CDH18: variants seen among roughly 807,000 people sequenced by gnomAD.
The protein encoded by CDH18 is cadherin 18.
In CDH18, 31 loss-of-function variants were observed where a neutral mutation model predicts 67.9. The observed-to-expected ratio is 0.46, with a 90% CI of 0.34 to 0.62. The LOEUF (loss-of-function observed/expected upper bound fraction) is 0.62. Ranked by LOEUF, CDH18 falls within the 20% of genes least tolerant of loss-of-function variation. CDH18 has a pLI of 0.01. For missense variants in CDH18, 890 were observed against 975.5 expected (o/e 0.91, Z 1.17); for synonymous variants, 362 against 347.2 (o/e 1.04, Z -0.48).
chr5:20,019,804 T>C (rs1738239084), intron 2 of CDH18, among the ~76,000 whole-genome samples: 1 of 152,064 alleles, frequency 6.6e-6, no homozygotes, highest in Non-Finnish European at 1.5e-5. Context: ...TATCTGAAAA[T>C]GTAGAAGCAG....
At chr5:19,985,714 T>C (rs937427761) in intron 1 of CDH18, among the ~76,000 whole-genome samples, 21 of 151,962 alleles carry the variant, frequency 1.4e-4, no homozygotes, top group Admixed American at 1.1e-3. Context: ...ATTAAGCACA[T>C]GAGGGCCTAA....
In CDH18 at chr5:19,503,102, T is replaced by A; in HGVS notation, c.1520A>T (p.His507Leu). Residue 507 changes from histidine to leucine, a missense_variant, in exon 11 of 13, where the codon CAT (histidine) becomes CTT (leucine). This residue lies in a region of CDH18 where 656 missense variants were observed against 668.1 expected (regional missense o/e 0.98). Transcript: ENST00000382275. ...CENSKPGQVI[H>L]TISATDKDDF... ...ATCTTTATCAGTGGCACTGATGGTATGAATAACCTAAAGAAAAGACAAACT... is the reference window on the plus strand; with the variant it reads ...ATCTTTATCAGTGGCACTGATGGTAAGAATAACCTAAAGAAAAGACAAACT... 1 of 1,542,754 alleles carries A rather than the reference T, an allele frequency of 6.5e-7. No individual in the cohort carries two copies. The highest frequency in any genetic ancestry group is 8.9e-7 in the Non-Finnish European group (1 of 1,117,472).
At chr5:20,511,874 T>C (rs1755054633) in intron 1 of CDH18, among the ~76,000 whole-genome samples, 1 of 152,166 alleles carries the variant, frequency 6.6e-6, no homozygotes, top group African/African-American at 2.4e-5. Flanking sequence ...TTGATTAATG[T>C]ATACCAATAA....
chr5:19,889,657 A>G (rs4298254), intron 2 of CDH18, among the ~76,000 whole-genome samples: 143,194 of 152,104 alleles, frequency 0.94, 67,573 homozygotes, highest in Non-Finnish European at 0.98. Flanking sequence ...GTTTTCCTTA[A>G]GGGAAGGTTT....
chr5:20,119,571 A>C (rs1427085729), intron 2 of CDH18, among the ~76,000 whole-genome samples: 1 of 151,932 alleles, frequency 6.6e-6, no homozygotes, highest in East Asian at 1.9e-4. Context: ...TACAGGGACC[A>C]GAAGGACATG....
At chr5:20,050,238 T>C (rs1741294607) in intron 2 of CDH18, among the ~76,000 whole-genome samples, 1 of 151,866 alleles carries the variant, frequency 6.6e-6, no homozygotes, top group African/African-American at 2.4e-5. Flanking sequence ...CTTTTTCTCA[T>C]GTATTATTTT....
chr5:19,518,812 T>G (rs1010080020), intron 10 of CDH18, among the ~76,000 whole-genome samples: 1 of 152,180 alleles, frequency 6.6e-6, no homozygotes, highest in Non-Finnish European at 1.5e-5. Flanking sequence ...GACTTCACCT[T>G]GTGATGGTGT....
chr5:19,918,148 C>T (rs1251622475), intron 2 of CDH18, among the ~76,000 whole-genome samples: 2 of 152,168 alleles, frequency 1.3e-5, no homozygotes, highest in Non-Finnish European at 2.9e-5. Context: ...CACTTATGTA[C>T]ATCGTGTGCC....
intron 1 of CDH18, among the ~76,000 whole-genome samples, chr5:20,333,294 G>T (rs1016243142): frequency 3.3e-5 from 5 of 151,890 alleles, no homozygotes; most frequent in Admixed American, 1.3e-4. Flanking sequence ...AGATCAGGAG[G>T]TCAGGAGATT....
intron 2 of CDH18, among the ~76,000 whole-genome samples, chr5:20,134,382 T>C (rs540536569): frequency 6.6e-6 from 1 of 152,322 alleles, no homozygotes; most frequent in South Asian, 2.1e-4. Flanking sequence ...TCAACAACCC[T>C]GATTATTTTC....
chr5:19,854,817 C>T (rs546977249), intron 2 of CDH18, among the ~76,000 whole-genome samples: 16 of 151,762 alleles, frequency 1.1e-4, no homozygotes, highest in Non-Finnish European at 2.4e-4. Context: ...AATACTAGAT[C>T]GTATTCATTC....
At chr5:20,247,254 A>G (rs2126577666) in intron 2 of CDH18, among the ~76,000 whole-genome samples, 1 of 152,254 alleles carries the variant, frequency 6.6e-6, no homozygotes, top group East Asian at 1.9e-4. Flanking sequence ...TTGGCCCTTC[A>G]TTACTTTCCC....
intron 2 of CDH18, among the ~76,000 whole-genome samples, chr5:19,925,027 C>G (rs1792936664): frequency 6.6e-6 from 1 of 152,116 alleles, no homozygotes; most frequent in Non-Finnish European, 1.5e-5. Context: ...TACTGTGAAC[C>G]AGTAGCATAA....
intron 7 of CDH18, among the ~76,000 whole-genome samples, chr5:19,582,408 G>T (rs1378808799): frequency 6.6e-6 from 1 of 151,884 alleles, no homozygotes; most frequent in African/African-American, 2.4e-5. Flanking sequence ...TTTCAATGAA[G>T]TTTCAAACGA....
At chr5:20,232,034 A>G (rs2126505691) in intron 2 of CDH18, among the ~76,000 whole-genome samples, 2 of 152,274 alleles carry the variant, frequency 1.3e-5, no homozygotes, top group Middle Eastern at 6.8e-3. Context: ...TACCAAATAT[A>G]AATACAAGAA....
intron 2 of CDH18, among the ~76,000 whole-genome samples, chr5:20,095,766 TA>T (rs997311967): frequency 6.1e-5 from 9 of 147,752 alleles, no homozygotes; most frequent in Admixed American, 1.3e-4. Context: ...GCTACAGACT[TA>T]AAAAAAATAG....
At chr5:20,144,796 T>C (rs1319636545) in intron 2 of CDH18, among the ~76,000 whole-genome samples, 1 of 152,114 alleles carries the variant, frequency 6.6e-6, no homozygotes, top group African/African-American at 2.4e-5. Flanking sequence ...CCAGTTAAAA[T>C]GAAGTGATTA....
intron 2 of CDH18, among the ~76,000 whole-genome samples, chr5:20,132,502 T>C (rs1018637116): frequency 1.3e-5 from 2 of 152,256 alleles, no homozygotes; most frequent in African/African-American, 4.8e-5. Context: ...GTTTTTGTTT[T>C]TGTTGCCTAA....
chr5:19,920,479 T>C (rs1382664644), intron 2 of CDH18, among the ~76,000 whole-genome samples: 1 of 150,472 alleles, frequency 6.6e-6, no homozygotes, highest in African/African-American at 2.4e-5. Context: ...GTTTATTAAA[T>C]GACACAGATT....
Sources: gnomAD v4.1 joint callset for allele counts (sites outside exome capture counted in the v4.1 genomes callset) on GRCh38, gnomAD v4.1.1 for gene constraint, gnomAD v4.1.1 regional missense constraint, MANE v1.5 for transcripts, NCBI Gene and HGNC (gene_info 2026-07-23, HGNC 2026-07-21) for gene names.